ZC4H2: variants seen among roughly 807,000 people sequenced by gnomAD.
ZC4H2 encodes zinc finger C4H2 domain-containing protein.
For missense variants in ZC4H2, 137 were observed against 173.9 expected, an observed-to-expected ratio of 0.79 and a Z score of 1.19; for synonymous variants, 84 against 66.3, an observed-to-expected ratio of 1.27 and a Z score of -1.30.
chrX:65,002,277 C>A (rs1250136013), intron 1 of ZC4H2, among the ~76,000 whole-genome samples: 1 of 112,029 alleles, frequency 8.9e-6, no homozygotes, highest in Non-Finnish European at 1.9e-5. Flanking sequence ...CAAATCAGAA[C>A]TCAGGATTTA....
chrX:64,992,840 T>C (rs1932336182), intron 1 of ZC4H2, among the ~76,000 whole-genome samples: 2 of 111,895 alleles, frequency 1.8e-5, no homozygotes, highest in Non-Finnish European at 3.8e-5. Flanking sequence ...TTGCACCTCC[T>C]GGATGCAGAC....
intron 1 of ZC4H2, among the ~76,000 whole-genome samples, chrX:65,020,994 C>T (rs1295132924): frequency 9.2e-6 from 1 of 109,145 alleles, no homozygotes; most frequent in Non-Finnish European, 1.9e-5. Context: ...AATATATATA[C>T]ACCCCATACA....
At chrX:64,997,175 C>T (rs1280440476) in intron 1 of ZC4H2, among the ~76,000 whole-genome samples, 1 of 111,518 alleles carries the variant, frequency 9.0e-6, no homozygotes, top group Non-Finnish European at 1.9e-5. Context: ...ACCATGGAGG[C>T]CAAAAGGCAG....
At chrX:64,955,108 A>G (rs1195975371) in intron 1 of ZC4H2, among the ~76,000 whole-genome samples, 1 of 111,832 alleles carries the variant, frequency 8.9e-6, no homozygotes, top group Non-Finnish European at 1.9e-5. Context: ...AATTAATTAT[A>G]TATTAATGTG....
intron 1 of ZC4H2, among the ~76,000 whole-genome samples, chrX:65,030,313 G>A (rs1384525170): frequency 9.1e-6 from 1 of 109,697 alleles, no homozygotes; most frequent in Non-Finnish European, 1.9e-5. Flanking sequence ...TACAGACCGG[G>A]TTTTGCTACA....
chrX:65,032,953 T>C (rs1405965314), intron 1 of ZC4H2, among the ~76,000 whole-genome samples: 1 of 111,170 alleles, frequency 9.0e-6, no homozygotes, highest in African/African-American at 3.3e-5. Flanking sequence ...ATTTTTGTAT[T>C]TTTAGTAGAG....
Position 64,919,108 on chromosome X carries a change from G to C in ZC4H2, c.495C>G (p.Leu165=), listed in dbSNP as rs1301900250. The change falls in exon 4 of 5, where the codon CTC becomes CTG. Residue 165 remains leucine (L), a synonymous_variant. Transcript: ENST00000374839. ...GAGTATCCTGCTTCCTAGCCACTTG[G>C]AGCTGTTGGGCGGCAGCGGCTGCAG... The part of the protein sequence containing the change: ...LAAAAAAAQQ[L]QVARKQDTRQ... The C allele has an allele frequency of 8.3e-7, 1 of 1,203,331 alleles. No individual in the cohort carries two copies. Among genetic ancestry groups the C allele is most frequent in the East Asian group, 3.0e-5 (1 of 33,627 alleles).
intron 1 of ZC4H2, among the ~76,000 whole-genome samples, chrX:64,924,168 C>G (rs1344929980): frequency 4.5e-5 from 5 of 111,541 alleles, no homozygotes; most frequent in African/African-American, 1.6e-4. Context: ...AGTGCTGGGC[C>G]AAGAACCTAT....
At chrX:64,959,791 C>A (rs1301186059) in intron 1 of ZC4H2, among the ~76,000 whole-genome samples, 1 of 110,632 alleles carries the variant, frequency 9.0e-6, no homozygotes, top group Non-Finnish European at 1.9e-5. Flanking sequence ...ACAACTGTAT[C>A]CTGGCCAACA....
At chrX:64,989,804 C>T (rs1054101724) in intron 1 of ZC4H2, among the ~76,000 whole-genome samples, 13 of 111,681 alleles carry the variant, frequency 1.2e-4, no homozygotes, top group South Asian at 3.7e-4. Context: ...ATTTGGGAAA[C>T]GCAAATTAAG....
intron 1 of ZC4H2, among the ~76,000 whole-genome samples, chrX:64,922,899 T>C (rs956844875): frequency 1.8e-5 from 2 of 111,752 alleles, no homozygotes; most frequent in African/African-American, 6.5e-5. Context: ...ACAGCACAAC[T>C]CTAGAGGGTG....
chrX:64,932,365 T>C (rs1413864890), intron 1 of ZC4H2, among the ~76,000 whole-genome samples: 2 of 111,582 alleles, frequency 1.8e-5, no homozygotes, highest in African/African-American at 6.5e-5. Context: ...ACATTCGATG[T>C]TAGTATTGAA....
intron 1 of ZC4H2, among the ~76,000 whole-genome samples, chrX:64,982,514 T>C (rs1035928817): frequency 8.9e-6 from 1 of 112,320 alleles, no homozygotes; most frequent in Non-Finnish European, 1.9e-5. Context: ...TTAGAGTCAT[T>C]TGGAGAACCC....
chrX:64,949,097 T>A (rs934072570), intron 1 of ZC4H2, among the ~76,000 whole-genome samples: 2 of 111,966 alleles, frequency 1.8e-5, no homozygotes, highest in Non-Finnish European at 3.8e-5. Context: ...CACCTTATGG[T>A]CCAAATGATT....
intron 1 of ZC4H2, among the ~76,000 whole-genome samples, chrX:64,992,845 G>A (rs1295142491): frequency 9.0e-6 from 1 of 111,687 alleles, no homozygotes; most frequent in Non-Finnish European, 1.9e-5. Flanking sequence ...CCTCCTGGAT[G>A]CAGACTGTGT....
chrX:64,915,971 G>A lies in ZC4H2; in HGVS notation c.*1812C>T, dbSNP rs1434354345. The A allele has an allele frequency of 1.8e-5, 2 of 111,676 alleles. No individual in the cohort carries two copies. The highest frequency in any genetic ancestry group is 4.6e-3 in the Middle Eastern group (1 of 218). The allele number at this position is 111,676 out of a possible 1,213,427, so 9.2% of individuals were successfully genotyped here. ...CCCAGTTCTTGATTTCAGTTCCAAA[G>A]TTATTTCAACCACTCTCATCATCAA... is the stretch of plus-strand genomic sequence containing the variant. On this transcript the variant is annotated 3_prime_UTR_variant, in exon 5 of 5. Transcript: ENST00000374839.
chrX:64,957,048 A>G (rs1931187518), intron 1 of ZC4H2, among the ~76,000 whole-genome samples: 1 of 112,703 alleles, frequency 8.9e-6, no homozygotes, highest in African/African-American at 3.2e-5. Flanking sequence ...TGAGTCCATG[A>G]GGACAAAGCA....
intron 1 of ZC4H2, among the ~76,000 whole-genome samples, chrX:64,970,843 T>C (rs901093305): frequency 9.0e-6 from 1 of 111,672 alleles, no homozygotes; most frequent in African/African-American, 3.3e-5. Flanking sequence ...ATAGGATTAA[T>C]AAAAAGCAGT....
At chrX:64,958,580 A>T (rs73512576) in intron 1 of ZC4H2, among the ~76,000 whole-genome samples, 9,239 of 111,141 alleles carry the variant, frequency 0.083, 1,039 homozygotes, top group African/African-American at 0.29. Context: ...ACTTTGCCTC[A>T]ATCTCCCCAC....
Sources: gnomAD v4.1 joint callset for allele counts (sites outside exome capture counted in the v4.1 genomes callset) on GRCh38, gnomAD v4.1.1 for gene constraint, MANE v1.5 for transcripts, NCBI Gene and HGNC (gene_info 2026-07-23, HGNC 2026-07-21) for gene names.